DLG2: variants seen among roughly 807,000 people sequenced by gnomAD.
DLG2 encodes the protein discs large MAGUK scaffold protein 2, also known as disks large homolog 2.
Under a neutral mutation model 132.5 loss-of-function variants are expected in DLG2, and 45 were observed. The observed-to-expected ratio is 0.34, with a 90% CI of 0.27 to 0.44. DLG2 has a LOEUF of 0.44. Among genes scored for constraint, DLG2 ranks in the 20% least tolerant of loss-of-function variants. DLG2 has a pLI of 1.00. For missense variants in DLG2, 1,045 were observed against 1,196.9 expected (o/e 0.87, Z 1.87); for synonymous variants, 424 against 419.6 (o/e 1.01, Z -0.13).
At chr11:85,358,266 T>G (rs1278905472) in intron 3 of DLG2, among the ~76,000 whole-genome samples, 1 of 152,180 alleles carries the variant, frequency 6.6e-6, no homozygotes, top group African/African-American at 2.4e-5. Context: ...AATTACATGG[T>G]GTTCATATTT....
At chr11:83,881,605 T>C (rs2066285521) in intron 15 of DLG2, among the ~76,000 whole-genome samples, 1 of 152,182 alleles carries the variant, frequency 6.6e-6, no homozygotes, top group African/African-American at 2.4e-5. Context: ...AGTGTAATAG[T>C]TAGTCCACAA....
chr11:84,373,832 T>A (rs201428533), intron 7 of DLG2, among the ~76,000 whole-genome samples: 1 of 152,186 alleles, frequency 6.6e-6, no homozygotes, highest in Non-Finnish European at 1.5e-5. Context: ...AAAATATGTA[T>A]ACTTTCACTA....
Position 83,962,901 on chromosome 11 carries a change from C to T in DLG2, c.1324G>A (p.Asp442Asn). 1 of 1,612,920 alleles carries T rather than the reference C, an allele frequency of 6.2e-7. No homozygotes were observed. Among genetic ancestry groups the T allele is most frequent in the Non-Finnish European group, 8.5e-7 (1 of 1,179,088 alleles). Residue 442 changes from aspartate (D) to asparagine (N), a missense_variant, in exon 14 of 28, where the codon GAC becomes AAC. By Grantham distance (23) the Asp-to-Asn change is conservative. Around this residue, in one of 4 missense-constraint regions of DLG2, gnomAD observed 261 missense variants for 256.1 expected, o/e 1.02. Transcript: ENST00000376104. Reference protein sequence around the residue: ...YSPIPKHMLVDDDYTRPPEPV... With the variant: ...YSPIPKHMLVNDDYTRPPEPV... ...ATATCTGACCTGGTGTAGTCGTCGT[C>T]AACAAGCATGTGCTTTGGAATTGGT...
At chr11:84,172,682 A>G (rs2154270610) in intron 8 of DLG2, among the ~76,000 whole-genome samples, 1 of 152,136 alleles carries the variant, frequency 6.6e-6, no homozygotes, top group East Asian at 1.9e-4. Context: ...AGCTGTGATT[A>G]CAGGCACCCG....
chr11:83,750,182 C>T (rs566398764), intron 18 of DLG2, among the ~76,000 whole-genome samples: 6 of 152,266 alleles, frequency 3.9e-5, no homozygotes, highest in Middle Eastern at 6.8e-3. Flanking sequence ...AAGCAGCTCA[C>T]TGGCCCTAGG....
At chr11:83,593,595 G>A (rs1286420590) in intron 19 of DLG2, among the ~76,000 whole-genome samples, 1 of 150,404 alleles carries the variant, frequency 6.6e-6, no homozygotes, top group East Asian at 2.0e-4. Flanking sequence ...GTATACATAT[G>A]TAACTAACCT....
At chr11:84,236,734 C>T (rs1026740175) in intron 8 of DLG2, among the ~76,000 whole-genome samples, 2 of 152,176 alleles carry the variant, frequency 1.3e-5, no homozygotes. Flanking sequence ...CACACTAACC[C>T]AACCACCCAT....
At chr11:85,056,539 C>G (rs888568454) in intron 6 of DLG2, among the ~76,000 whole-genome samples, 2 of 151,848 alleles carry the variant, frequency 1.3e-5, no homozygotes, top group Non-Finnish European at 2.9e-5. Flanking sequence ...AAGTGTGTGT[C>G]AATGGACTCT....
chr11:84,096,836 G>T (rs540876535), intron 10 of DLG2, among the ~76,000 whole-genome samples: 1 of 151,364 alleles, frequency 6.6e-6, no homozygotes, highest in South Asian at 2.1e-4. Context: ...TAAAAATTCT[G>T]TTGTCAAAAA....
At chr11:84,913,731 T>A (rs533418545) in intron 6 of DLG2, among the ~76,000 whole-genome samples, 1 of 152,320 alleles carries the variant, frequency 6.6e-6, no homozygotes, top group South Asian at 2.1e-4. Context: ...ATTTTTGTCA[T>A]TTTCTGTACT....
chr11:84,262,636 T>C (rs1375281792), intron 7 of DLG2, among the ~76,000 whole-genome samples: 5 of 152,122 alleles, frequency 3.3e-5, no homozygotes, highest in Admixed American at 1.3e-4. Context: ...ACTCGAGCAG[T>C]ATACACTGCA....
At chr11:84,749,731 A>AAT (rs2065864221) in intron 6 of DLG2, among the ~76,000 whole-genome samples, 2 of 152,130 alleles carry the variant, frequency 1.3e-5, no homozygotes, top group African/African-American at 4.8e-5. Context: ...ATTTTAAAAA[A>AAT]ATATATATAA....
chr11:84,516,980 T>G lies in DLG2; in HGVS notation c.519+17590A>C, dbSNP rs554767475. Among the ~76,000 whole-genome samples the G allele has an allele frequency of 8.5e-3, 1,025 of 120,650 alleles. 8 individuals carry two copies. The highest frequency in any genetic ancestry group is 0.013 in the Non-Finnish European group (723 of 56,686). The allele number at this position is 120,650 out of a possible 152,430, so 79.2% of individuals were successfully genotyped here. A position where few individuals can be genotyped will look rare whatever the true frequency, so the allele number is the denominator to read the frequency against. On this transcript the variant is annotated intron_variant, in intron 7 of 27. Coordinates refer to ENST00000376104, the MANE Select transcript of DLG2 (RefSeq NM_001142699.3). ...AAAAGATTCGCATGTACCCTAAAACTTAAAGTATAAAAAAAAAAAGGATAA... is the reference window on the plus strand; with the variant it reads ...AAAAGATTCGCATGTACCCTAAAACGTAAAGTATAAAAAAAAAAAGGATAA...
chr11:84,678,588 A>C (rs985512969), intron 6 of DLG2, among the ~76,000 whole-genome samples: 1 of 152,112 alleles, frequency 6.6e-6, no homozygotes, highest in Non-Finnish European at 1.5e-5. Context: ...TCACATAACT[A>C]TATGAAGCTT....
chr11:85,093,309 G>GTT (rs67241693), intron 6 of DLG2, among the ~76,000 whole-genome samples: 101 of 150,504 alleles, frequency 6.7e-4, no homozygotes, highest in African/African-American at 2.4e-3. Context: ...GGGAGTTTTT[G>GTT]TTTTTTTTTT....
intron 7 of DLG2, among the ~76,000 whole-genome samples, chr11:84,495,148 C>T (rs977368634): frequency 1.3e-5 from 2 of 152,050 alleles, no homozygotes; most frequent in African/African-American, 4.8e-5. Context: ...ATAATCTGTC[C>T]CTAAAACCAT....
intron 18 of DLG2, among the ~76,000 whole-genome samples, chr11:83,679,143 T>C (rs1246788831): frequency 6.6e-6 from 1 of 152,208 alleles, no homozygotes; most frequent in African/African-American, 2.4e-5. Flanking sequence ...AGCACTGCTA[T>C]ATGCCAATTT....
intron 18 of DLG2, among the ~76,000 whole-genome samples, chr11:83,676,340 TAAC>T (rs2077686730): frequency 6.6e-6 from 1 of 152,180 alleles, no homozygotes; most frequent in Non-Finnish European, 1.5e-5. Flanking sequence ...AGGGATTTCT[TAAC>T]AATATTGTGA....
chr11:83,551,824 A>G (rs2096397747), intron 19 of DLG2, among the ~76,000 whole-genome samples: 2 of 152,204 alleles, frequency 1.3e-5, no homozygotes, highest in African/African-American at 4.8e-5. Context: ...ATATTCATTT[A>G]AATATTAAAT....
Sources: allele counts gnomAD v4.1 joint callset (sites outside exome capture counted in the v4.1 genomes callset), GRCh38; gene constraint gnomAD v4.1.1; regional missense constraint gnomAD v4.1.1; transcripts MANE v1.5; gene names NCBI Gene and HGNC (gene_info 2026-07-23, HGNC 2026-07-21).